Variants in TMEM51 observed in about 807,000 individuals in gnomAD.
TMEM51 encodes the protein transmembrane protein 51.
In TMEM51, 8 loss-of-function variants were observed where a neutral mutation model predicts 13.6. That is an observed-to-expected ratio of 0.59 (90% confidence interval 0.35 to 1.07). The LOEUF is 1.07. TMEM51 is among the 50% of genes least tolerant of loss of function. The pLI, the probability that TMEM51 is intolerant of heterozygous loss-of-function variation, is 0.02. For synonymous variants in TMEM51, 147 were observed against 144.4 expected (o/e 1.02, Z -0.13); for missense variants, 279 against 330.7 (o/e 0.84, Z 1.21).
rs186922720 is a variant in TMEM51, at chr1:15,218,748, C to T, written c.345-578C>T. 2.4e-4 allele frequency among the ~76,000 whole-genome samples: 37 copies of T among 152,228 alleles called. No homozygotes were observed. In the Middle Eastern group the frequency reaches 0.01, roughly 42 times the overall value. Reference sequence around the variant, plus strand: ...CCAGTGCCATGACAGTTTACAATTGCCATGACAACGACCTGGCAGTTACCA... The same window carrying T: ...CCAGTGCCATGACAGTTTACAATTGTCATGACAACGACCTGGCAGTTACCA... On this transcript the variant is annotated intron_variant, in intron 3 of 3. Coordinates refer to ENST00000376008, the MANE Select transcript of TMEM51 (RefSeq NM_001136218.2).
At chr1:15,175,364 C>T (rs6691046) in intron 1 of TMEM51, among the ~76,000 whole-genome samples, 88,567 of 151,986 alleles carry the variant, frequency 0.58, 26,821 homozygotes, top group East Asian at 0.92. Context: ...CATACCACTG[C>T]ACTCCAGTCT....
intron 1 of TMEM51, among the ~76,000 whole-genome samples, chr1:15,178,505 C>T (rs1047025386): frequency 6.6e-6 from 1 of 152,142 alleles, no homozygotes; most frequent in Non-Finnish European, 1.5e-5. Context: ...TTTAGCAGAC[C>T]GCAAGGTAGT....
intron 1 of TMEM51, among the ~76,000 whole-genome samples, chr1:15,196,051 T>C (rs183792945): frequency 6.6e-6 from 1 of 152,318 alleles, no homozygotes; most frequent in East Asian, 1.9e-4. Context: ...CCTGCGACTT[T>C]GCTGTGTGTG....
chr1:15,192,643 A>G (rs558935141), intron 1 of TMEM51: 18 of 170,268 alleles, frequency 1.1e-4, no homozygotes, highest in African/African-American at 4.3e-4. Context: ...TAGTAGAGAC[A>G]GGTTTCACCA....
chr1:15,180,041 C>T (rs1267909663), intron 1 of TMEM51, among the ~76,000 whole-genome samples: 1 of 152,154 alleles, frequency 6.6e-6, no homozygotes, highest in Non-Finnish European at 1.5e-5. Flanking sequence ...GGGCAGATGC[C>T]TCCGCCCCAG....
intron 1 of TMEM51, chr1:15,168,762 A>T: frequency 7.7e-7 from 1 of 1,303,840 alleles, no homozygotes; most frequent in Non-Finnish European, 1.0e-6. Context: ...CTTGCTTCCC[A>T]CAAGAGGGCT....
At chr1:15,156,655 G>C (rs6429716) in intron 1 of TMEM51, among the ~76,000 whole-genome samples, 31,655 of 152,138 alleles carry the variant, frequency 0.21, 4,239 homozygotes, top group African/African-American at 0.38. Context: ...GTCTCCCTTT[G>C]CTTGGAGGGA....
chr1:15,191,890 CT>C, intron 1 of TMEM51: 1 of 527,406 alleles, frequency 1.9e-6, no homozygotes. Context: ...GACCATTTCT[CT>C]TTTAGCACGT....
At position 15,219,076 on chromosome 1, in the gene TMEM51, TCC is replaced by T. The variant is rs1332385451; in HGVS notation, c.345-249_345-248del. ...AAGCCCCAATTTGGGGACTCACCTG[TCC>T]TGTCCTGCATGACTAGTACTTAACT... is the stretch of plus-strand genomic sequence containing the variant. On this transcript the variant is annotated intron_variant, in intron 3 of 3. Coordinates refer to ENST00000376008, the MANE Select transcript of TMEM51 (RefSeq NM_001136218.2). Among the ~76,000 whole-genome samples, 9 of 109,654 alleles carry T rather than the reference TCC, an allele frequency of 8.2e-5. No homozygotes were observed. In the East Asian group the frequency reaches 3.5e-3, roughly 43 times the overall value. 71.9% of individuals were successfully genotyped at this position (109,654 alleles called of 152,430 possible).
intron 1 of TMEM51, among the ~76,000 whole-genome samples, chr1:15,205,962 C>T (rs1342030686): frequency 6.6e-6 from 1 of 152,104 alleles, no homozygotes; most frequent in Non-Finnish European, 1.5e-5. Context: ...ATGTTCAGGT[C>T]CAGTAGCTCA....
chr1:15,199,142 T>TG (rs1644105628), intron 1 of TMEM51, among the ~76,000 whole-genome samples: 1 of 151,768 alleles, frequency 6.6e-6, no homozygotes. Flanking sequence ...AGACTTTTTT[T>TG]TTTTTTGGAG....
At chr1:15,153,513 G>A (rs1239750245), upstream of TMEM51, among the ~76,000 whole-genome samples, 2 of 96,270 alleles carry the variant, frequency 2.1e-5, no homozygotes, top group Non-Finnish European at 2.2e-5. Flanking sequence ...GCAAGGGTTG[G>A]GGAGAACTTA....
chr1:15,177,205 G>A (rs534931601), intron 1 of TMEM51, among the ~76,000 whole-genome samples: 2 of 152,198 alleles, frequency 1.3e-5, no homozygotes, highest in African/African-American at 2.4e-5. Context: ...CTCAATATTG[G>A]CAATTACTCC....
At chr1:15,163,498 C>A (rs1642866241) in intron 1 of TMEM51, among the ~76,000 whole-genome samples, 1 of 151,946 alleles carries the variant, frequency 6.6e-6, no homozygotes, top group Non-Finnish European at 1.5e-5. Flanking sequence ...ACTTTGGCGG[C>A]TTTTTTCCTT....
chr1:15,196,734 T>G (rs996059741), intron 1 of TMEM51, among the ~76,000 whole-genome samples: 1 of 152,188 alleles, frequency 6.6e-6, no homozygotes, highest in Non-Finnish European at 1.5e-5. Flanking sequence ...AAAAAAATTG[T>G]TTTCCCAGTT....
At chr1:15,200,167 A>G (rs1195486898) in intron 1 of TMEM51, among the ~76,000 whole-genome samples, 1 of 151,946 alleles carries the variant, frequency 6.6e-6, no homozygotes, top group Admixed American at 6.6e-5. Flanking sequence ...CTAATCCAAT[A>G]TCACTGGTGT....
Position 15,210,575 on chromosome 1 carries a change from C to A in TMEM51, c.-194+13C>A, listed in dbSNP as rs1644323123. 1 of 152,196 alleles carries A rather than the reference C, an allele frequency of 6.6e-6. No individual in the cohort carries two copies. The highest frequency in any genetic ancestry group is 6.5e-5 in the Admixed American group (1 of 15,280). 9.4% of individuals were successfully genotyped at this position (152,196 alleles called of 1,614,324 possible). A position where few individuals can be genotyped will look rare whatever the true frequency, so the allele number is the denominator to read the frequency against. On this transcript the variant is annotated intron_variant, in intron 2 of 3. Coordinates refer to ENST00000376008, the MANE Select transcript of TMEM51 (RefSeq NM_001136218.2). ...CAAATAACAACAGGTAGATACCTCT[C>A]TAACTGGTTAATAATTTTTCTTTAA...
rs547389359 is a variant in TMEM51 at position 15,188,569 on chromosome 1, G to T, written c.-266-21921G>T. On this transcript the variant is annotated intron_variant, in intron 1 of 3. Transcript: ENST00000376008. ...TTGTTGGGAATCACTTGTGCAACAG[G>T]CTTGGATAGCTTTACACTCCAGAAA... Among the ~76,000 whole-genome samples the T allele has an allele frequency of 2.1e-3, 316 of 152,360 alleles. 3 individuals carry two copies. Among genetic ancestry groups the T allele is most frequent in the Admixed American group, 6.1e-3 (94 of 15,312 alleles).
At chr1:15,209,823 G>C (rs1644309796) in intron 1 of TMEM51, among the ~76,000 whole-genome samples, 1 of 152,218 alleles carries the variant, frequency 6.6e-6, no homozygotes, top group South Asian at 2.1e-4. Context: ...CCTGAGGTCA[G>C]GAGTTCGGAC....
Sources: allele counts gnomAD v4.1 joint callset (sites outside exome capture counted in the v4.1 genomes callset), GRCh38; gene constraint gnomAD v4.1.1; transcripts MANE v1.5; gene names NCBI Gene and HGNC (gene_info 2026-07-23, HGNC 2026-07-21).